Variants in CHN2 observed in about 807,000 individuals in gnomAD.
The protein encoded by CHN2 is beta-chimaerin.
A neutral mutation model predicts 56.3 loss-of-function variants in CHN2; 35 were observed. The ratio of observed to expected loss-of-function variants is 0.62; its 90% CI spans 0.47 to 0.82. CHN2 has a LOEUF of 0.82. Ranked by LOEUF, CHN2 falls within the 40% of genes least tolerant of loss-of-function variation. The pLI is 0.00. For synonymous variants in CHN2, 210 were observed against 212.8 expected (o/e 0.99, Z 0.12); for missense variants, 491 against 580.5 (o/e 0.85, Z 1.58).
intron 1 of CHN2, among the ~76,000 whole-genome samples, chr7:29,351,062 T>A (rs1797840220): frequency 7.3e-6 from 1 of 137,018 alleles, no homozygotes; most frequent in Non-Finnish European, 1.5e-5. Flanking sequence ...GAGCTGAGAT[T>A]GCACCACTGC....
intron 6 of CHN2, among the ~76,000 whole-genome samples, chr7:29,407,038 G>T (rs114042345): frequency 6.6e-6 from 1 of 152,108 alleles, no homozygotes; most frequent in South Asian, 2.1e-4. Flanking sequence ...CTCCCGCACC[G>T]TCTCTCAGCA....
At chr7:29,504,454 G>C (rs1298443111) in intron 9 of CHN2, among the ~76,000 whole-genome samples, 1 of 152,140 alleles carries the variant, frequency 6.6e-6, no homozygotes. Context: ...AGGAAGTAAG[G>C]GAACGGTCCA....
At chr7:29,221,630 A>G (rs1031268096) in intron 1 of CHN2, among the ~76,000 whole-genome samples, 5 of 152,092 alleles carry the variant, frequency 3.3e-5, no homozygotes, top group Admixed American at 6.5e-5. Flanking sequence ...TCGACCCCCA[A>G]CAGACCCCAG....
At chr7:29,323,444 T>A (rs1426649320) in intron 1 of CHN2, among the ~76,000 whole-genome samples, 9 of 152,140 alleles carry the variant, frequency 5.9e-5, no homozygotes, top group Non-Finnish European at 1.2e-4. Context: ...AGCCTAAGAT[T>A]ACAGAGTTTT....
chr7:29,243,779 C>T (rs13224128), intron 1 of CHN2, among the ~76,000 whole-genome samples: 3,039 of 152,276 alleles, frequency 0.02, 47 homozygotes, highest in Non-Finnish European at 0.035. Flanking sequence ...TCGTTGTTAG[C>T]GTTCTTGCCA....
At chr7:29,270,906 G>A (rs149009884) in intron 1 of CHN2, among the ~76,000 whole-genome samples, 11 of 152,006 alleles carry the variant, frequency 7.2e-5, no homozygotes, top group African/African-American at 1.9e-4. Flanking sequence ...ATATGTATTT[G>A]CATTTATAAT....
At chr7:29,504,208 A>G (rs1790299470) in intron 9 of CHN2, among the ~76,000 whole-genome samples, 1 of 152,200 alleles carries the variant, frequency 6.6e-6, no homozygotes, top group Non-Finnish European at 1.5e-5. Flanking sequence ...ACATGTGTGT[A>G]TCTAGTACAG....
intron 2 of CHN2, among the ~76,000 whole-genome samples, chr7:29,178,064 C>T (rs1562810455): frequency 6.6e-6 from 1 of 152,286 alleles, no homozygotes; most frequent in East Asian, 1.9e-4. Context: ...CACATTCCAT[C>T]ATCAGCAAGT....
intron 1 of CHN2, among the ~76,000 whole-genome samples, chr7:29,316,108 A>G (rs749966798): frequency 1.1e-4 from 17 of 152,308 alleles, no homozygotes; most frequent in Non-Finnish European, 1.8e-4. Flanking sequence ...AGGTTGGGCC[A>G]TGTGAACTCC....
chr7:29,167,348 A>C (rs943100482), intron 2 of CHN2, among the ~76,000 whole-genome samples: 1 of 152,184 alleles, frequency 6.6e-6, no homozygotes, highest in Non-Finnish European at 1.5e-5. Flanking sequence ...TTCATATTCT[A>C]TCCTAAATGG....
chr7:29,170,968 C>T (rs532882464), intron 2 of CHN2, among the ~76,000 whole-genome samples: 2 of 152,286 alleles, frequency 1.3e-5, no homozygotes, highest in East Asian at 3.9e-4. Flanking sequence ...TCAATTACCT[C>T]CCACGGGGTC....
chr7:29,256,832 A>C lies in CHN2; in HGVS notation c.49+61842A>C, dbSNP rs918911507. On this transcript the variant is annotated intron_variant, in intron 1 of 12. Coordinates refer to ENST00000222792, the MANE Select transcript of CHN2 (RefSeq NM_004067.4). ...ACCGATCGCCCCCCCACCACGATCCAAACCTACCTACAGGGCCCTCTGTTA... is the reference window on the plus strand; with the variant it reads ...ACCGATCGCCCCCCCACCACGATCCCAACCTACCTACAGGGCCCTCTGTTA... 3.3e-5 allele frequency among the ~76,000 whole-genome samples: 5 copies of C among 152,156 alleles called. No homozygotes were observed. The East Asian group carries it at 9.7e-4, about 29-fold the overall frequency.
chr7:29,195,244 C>G (rs1223920400), intron 1 of CHN2: 3 of 431,012 alleles, frequency 7.0e-6, no homozygotes, highest in African/African-American at 6.2e-5. Flanking sequence ...TGTTCCGGGG[C>G]TTGGAGTGCA....
At chr7:29,191,891 C>A (rs1782936330), upstream of CHN2, 1 of 152,212 alleles carries the variant, frequency 6.6e-6, no homozygotes, top group Non-Finnish European at 1.5e-5. Context: ...CATTTTATTT[C>A]CAGCATGTCC....
intron 1 of CHN2, among the ~76,000 whole-genome samples, chr7:29,300,913 A>G (rs1288804799): frequency 6.6e-6 from 1 of 152,240 alleles, no homozygotes; most frequent in East Asian, 1.9e-4. Flanking sequence ...ACCATGTGCA[A>G]TATTTTTTAA....
intron 1 of CHN2, among the ~76,000 whole-genome samples, chr7:29,300,583 A>G (rs1793584452): frequency 1.3e-5 from 2 of 152,338 alleles, no homozygotes; most frequent in South Asian, 4.1e-4. Context: ...ACTTGGAGTC[A>G]ACAAAATGAT....
chr7:29,288,844 T>C (rs1285123859), intron 1 of CHN2: 2 of 152,338 alleles, frequency 1.3e-5, no homozygotes, highest in Admixed American at 6.5e-5. Context: ...TAGTGGGCAC[T>C]CAGGGGATTT....
intron 1 of CHN2, among the ~76,000 whole-genome samples, chr7:29,319,129 C>T (rs1050996884): frequency 1.3e-5 from 2 of 152,176 alleles, no homozygotes; most frequent in African/African-American, 4.8e-5. Flanking sequence ...AAACATGCAA[C>T]TATGTGTGTG....
chr7:29,236,799 C>T (rs1787226270), intron 1 of CHN2, among the ~76,000 whole-genome samples: 1 of 152,164 alleles, frequency 6.6e-6, no homozygotes, highest in African/African-American at 2.4e-5. Flanking sequence ...CTTCTAAAGG[C>T]TGACCATATT....
Sources: allele counts gnomAD v4.1 joint callset (sites outside exome capture counted in the v4.1 genomes callset), GRCh38; gene constraint gnomAD v4.1.1; transcripts MANE v1.5; gene names NCBI Gene and HGNC (gene_info 2026-07-23, HGNC 2026-07-21).